Variants in CAMKK1 observed in about 807,000 individuals in gnomAD.
The protein encoded by CAMKK1 is calcium/calmodulin-dependent protein kinase kinase 1.
A neutral mutation model predicts 63.5 loss-of-function variants in CAMKK1; 20 were observed. The observed-to-expected ratio is 0.32, with a 90% CI of 0.22 to 0.46. CAMKK1 has a LOEUF of 0.46. CAMKK1 is among the 20% of genes least tolerant of loss of function. The pLI, the probability that CAMKK1 is intolerant of heterozygous loss-of-function variation, is 1.00. For synonymous variants in CAMKK1, 253 were observed against 269.0 expected, an observed-to-expected ratio of 0.94 and a Z score of 0.58; for missense variants, 588 against 658.1, an observed-to-expected ratio of 0.89 and a Z score of 1.17.
chr17:3,861,552 T>C lies in CAMKK1; in HGVS notation c.*659A>G, dbSNP rs1284174021. The C allele has an allele frequency of 1.3e-5, 2 of 152,894 alleles. No individual in the cohort carries two copies. Among genetic ancestry groups the C allele is most frequent in the African/African-American group, 4.8e-5 (2 of 41,466 alleles). 9.5% of individuals were successfully genotyped at this position (152,894 alleles called of 1,614,324 possible). On this transcript the variant is annotated 3_prime_UTR_variant, in exon 16 of 16. Coordinates refer to ENST00000348335, the MANE Select transcript of CAMKK1 (RefSeq NM_032294.3). Reference sequence around the variant, plus strand: ...GCTGCCAAATAATCTTGGGCTGTGCTGGGAACCACGGAAGATGTAGGAAAG... The same window carrying C: ...GCTGCCAAATAATCTTGGGCTGTGCCGGGAACCACGGAAGATGTAGGAAAG...
intron 10 of CAMKK1, among the ~76,000 whole-genome samples, chr17:3,874,027 C>T (rs929033606): frequency 3.3e-5 from 5 of 152,198 alleles, no homozygotes; most frequent in South Asian, 2.1e-4. Flanking sequence ...CCTTCTGCTC[C>T]GGAACGCCAC....
chr17:3,880,037 T>C (rs2055338002), intron 9 of CAMKK1: 2 of 371,884 alleles, frequency 5.4e-6, no homozygotes, highest in Non-Finnish European at 5.0e-6. Context: ...CCCACATCTC[T>C]TGAAGCCCCG....
chr17:3,888,913 C>CGTGTGTGTGTGTGTGT, intron 1 of CAMKK1, among the ~76,000 whole-genome samples: 1 of 150,494 alleles, frequency 6.6e-6, no homozygotes, highest in Non-Finnish European at 1.5e-5. Context: ...AGGGTGGTGG[C>CGTGTGTGTGTGTGTGT]GTGTGTGTGT....
At position 3,862,153 on chromosome 17, in the gene CAMKK1, G is replaced by A; in HGVS notation, c.*58C>T. 2.8e-6 allele frequency: 4 copies of A among 1,428,408 alleles called. No homozygotes were observed. Among genetic ancestry groups the A allele is most frequent in the African/African-American group, 1.4e-5 (1 of 70,916 alleles). 88.5% of individuals were successfully genotyped at this position (1,428,408 alleles called of 1,614,324 possible). On this transcript the variant is annotated 3_prime_UTR_variant, in exon 16 of 16. Coordinates refer to ENST00000348335, the MANE Select transcript of CAMKK1 (RefSeq NM_032294.3). This position sits in a 1 kb window ranked among gnomAD's most constrained non-coding sequence, Gnocchi z 4.1. ...GGGGGCGGCTGTTGCATGAGGGGTG[G>A]GCCTCTGGAGGCGCGGGATGAGTGT...
chr17:3,889,453 C>A lies in CAMKK1; in HGVS notation c.-44+3486G>T, dbSNP rs116934511. Among the ~76,000 whole-genome samples, 1,217 of 152,222 alleles carry A rather than the reference C, an allele frequency of 8.0e-3. 5 individuals are homozygous for A. Among genetic ancestry groups the A allele is most frequent in the Non-Finnish European group, 0.012 (816 of 68,006 alleles). ...AAAAACTACTGCAATCCTGTCCCCCCAGACTGGGGATCTGCTGCCTCGGAC... is the reference window on the plus strand; with the variant it reads ...AAAAACTACTGCAATCCTGTCCCCCAAGACTGGGGATCTGCTGCCTCGGAC... On this transcript the variant is annotated intron_variant, in intron 1 of 15. Coordinates refer to ENST00000348335, the MANE Select transcript of CAMKK1 (RefSeq NM_032294.3). This position sits in a 1 kb window ranked among gnomAD's most constrained non-coding sequence, Gnocchi z 5.2.
chr17:3,882,536 A>T lies in CAMKK1; in HGVS notation c.677T>A (p.Leu226His). The stretch of plus-strand genomic sequence containing the variant: ...TGAGCCAGGTCACTCACCCAAATAG[A>T]GGTTGTCCTCAGCTGGGTCATCCAG... ...EVLDDPAEDN[L>H]YLVFDLLRKG... The change falls in exon 7 of 16, where the codon CTC becomes CAC. Residue 226 changes from leucine (L) to histidine (H), a missense_variant. This residue lies in a region of CAMKK1 where 357 missense variants were observed against 407.4 expected (regional missense o/e 0.88). Coordinates refer to ENST00000348335, the MANE Select transcript of CAMKK1 (RefSeq NM_032294.3). This position sits in a 1 kb window ranked among gnomAD's most constrained non-coding sequence, Gnocchi z 4.3. 6.3e-7 allele frequency: 1 copy of T among 1,595,402 alleles called. No homozygotes were observed. Among genetic ancestry groups the T allele is most frequent in the Non-Finnish European group, 8.5e-7 (1 of 1,170,478 alleles).
chr17:3,876,130 A>G, intron 10 of CAMKK1, 93 bp downstream of exon 10: 1 of 1,200,004 alleles, frequency 8.3e-7, no homozygotes, highest in South Asian at 1.5e-5. Flanking sequence ...AGACACAAAG[A>G]CCCTGGCACC....
intron 1 of CAMKK1, among the ~76,000 whole-genome samples, chr17:3,891,007 C>T (rs1221390856): frequency 2.6e-5 from 4 of 152,060 alleles, no homozygotes; most frequent in Non-Finnish European, 5.9e-5. Context: ...GGAGGGATTT[C>T]CAACATGCAA....
At chr17:3,881,892 T>TACAGAGGGGGAAACTGAGGC (rs2055424356) in intron 7 of CAMKK1, 3 of 552,642 alleles carry the variant, frequency 5.4e-6, no homozygotes, top group Non-Finnish European at 9.6e-6. Flanking sequence ...GGGGCCCTTT[T>TACAGAGGGGGAAACTGAGGC]ACAGAGGGGG....
Position 3,876,414 on chromosome 17 carries a change from G to C in CAMKK1, c.805C>G (p.Gln269Glu), listed in dbSNP as rs2055155226. 6.2e-7 allele frequency: 1 copy of C among 1,613,802 alleles called. No homozygotes were observed. The highest frequency in any genetic ancestry group is 8.5e-7 in the Non-Finnish European group (1 of 1,179,718). Residue 269 changes from glutamine to glutamate, a missense_variant, in exon 10 of 16, where the codon CAG becomes GAG. Around this residue, in one of 3 missense-constraint regions of CAMKK1, gnomAD observed 357 missense variants for 407.4 expected, o/e 0.88. Coordinates refer to ENST00000348335, the MANE Select transcript of CAMKK1 (RefSeq NM_032294.3). ...VILGLEYLHC[Q>E]KIVHRDIKPS... is the part of the protein sequence containing the mutation. ...TTGATGTCCCTGTGGACGATCTTCT[G>C]GCAGTGCACTGCAGAGAAGGGGAGC...
In CAMKK1 at chr17:3,887,398, G is replaced by T. The variant is rs2055699159; in HGVS notation, c.-43-1668C>A. Among the ~76,000 whole-genome samples the T allele has an allele frequency of 6.6e-6, 1 of 152,346 alleles. No individual in the cohort carries two copies. The highest frequency in any genetic ancestry group is 2.4e-5 in the African/African-American group (1 of 41,586). ...GAGAGGAGGCTCCACACTAGGAACA[G>T]GAAAAGTCATGGAAGCTGGACCCAG... On this transcript the variant is annotated intron_variant, in intron 1 of 15. Transcript: ENST00000348335. The surrounding 1 kb of genome is among the most constrained non-coding windows in gnomAD (Gnocchi z 6.1).
chr17:3,865,573 C>A, intron 15 of CAMKK1: 1 of 1,093,590 alleles, frequency 9.1e-7, no homozygotes, highest in Non-Finnish European at 1.1e-6. Context: ...GATTTGAAGC[C>A]CCAGAGGGGC....
chr17:3,883,529 T>C lies in CAMKK1; in HGVS notation c.463-49A>G. On this transcript the variant is annotated intron_variant, in intron 4 of 15. Coordinates refer to ENST00000348335, the MANE Select transcript of CAMKK1 (RefSeq NM_032294.3). This position sits in a 1 kb window ranked among gnomAD's most constrained non-coding sequence, Gnocchi z 4.7. Reference sequence around the variant, plus strand: ...TCACTACTGTGCAGCCACCAGGGGCTAGAACAGGCTGGTACATGTGGACTG... The same window carrying C: ...TCACTACTGTGCAGCCACCAGGGGCCAGAACAGGCTGGTACATGTGGACTG... 6.9e-7 allele frequency: 1 copy of C among 1,450,666 alleles called. No individual in the cohort carries two copies. Among genetic ancestry groups the C allele is most frequent in the South Asian group, 1.1e-5 (1 of 87,700 alleles). 89.9% of individuals were successfully genotyped at this position (1,450,666 alleles called of 1,614,324 possible). A position where few individuals can be genotyped will look rare whatever the true frequency, so the allele number is the denominator to read the frequency against.
At chr17:3,877,498 G>A (rs991808400) in intron 9 of CAMKK1, among the ~76,000 whole-genome samples, 3 of 152,138 alleles carry the variant, frequency 2.0e-5, no homozygotes, top group African/African-American at 4.8e-5. Context: ...CCCATCCCGC[G>A]ACCATCGACC....
At position 3,882,357 on chromosome 17, in the gene CAMKK1, C is replaced by T; in HGVS notation, c.685+171G>A. Reference sequence around the variant, plus strand: ...TTGAATCTAACTGGATATTCTGGGCCTGGTTCTGCAGGGCTGGGCAAGGGA... The same window carrying T: ...TTGAATCTAACTGGATATTCTGGGCTTGGTTCTGCAGGGCTGGGCAAGGGA... On this transcript the variant is annotated intron_variant, in intron 7 of 15. Transcript: ENST00000348335. This position sits in a 1 kb window ranked among gnomAD's most constrained non-coding sequence, Gnocchi z 4.3. 6.2e-7 allele frequency: 1 copy of T among 1,613,782 alleles called. No individual in the cohort carries two copies. The highest frequency in any genetic ancestry group is 8.5e-7 in the Non-Finnish European group (1 of 1,179,790).
intron 12 of CAMKK1, among the ~76,000 whole-genome samples, chr17:3,870,563 C>T (rs1290287875): frequency 6.6e-6 from 1 of 152,062 alleles, no homozygotes; most frequent in Non-Finnish European, 1.5e-5. Flanking sequence ...GACGGGGTTT[C>T]ACCGTGTTAG....
intron 15 of CAMKK1, among the ~76,000 whole-genome samples, chr17:3,864,554 ATAAT>A (rs2054442640): frequency 6.6e-6 from 1 of 152,196 alleles, no homozygotes; most frequent in Admixed American, 6.5e-5. Flanking sequence ...CCGTGCTGGC[ATAAT>A]TATTAATGGC....
At chr17:3,868,616 T>C (rs2054680395) in intron 14 of CAMKK1, among the ~76,000 whole-genome samples, 1 of 151,982 alleles carries the variant, frequency 6.6e-6, no homozygotes, top group Non-Finnish European at 1.5e-5. Context: ...CTTCTTCCAG[T>C]CACGGTGACT....
chr17:3,892,284 C>G lies in CAMKK1; in HGVS notation c.-44+655G>C, dbSNP rs1433724412. Among the ~76,000 whole-genome samples, 1 of 152,074 alleles carries G rather than the reference C, an allele frequency of 6.6e-6. No individual in the cohort carries two copies. The highest frequency in any genetic ancestry group is 1.5e-5 in the Non-Finnish European group (1 of 67,990). On this transcript the variant is annotated intron_variant, in intron 1 of 15. Coordinates refer to ENST00000348335, the MANE Select transcript of CAMKK1 (RefSeq NM_032294.3). The surrounding 1 kb of genome is among the most constrained non-coding windows in gnomAD (Gnocchi z 7.5). Reference sequence around the variant, plus strand: ...ACTCCATCCTGTCCTGCACCCCCCACGCAGACACAGGCACACTCCCGCGTC... The same window carrying G: ...ACTCCATCCTGTCCTGCACCCCCCAGGCAGACACAGGCACACTCCCGCGTC...
Sources: gnomAD v4.1 joint callset for allele counts (sites outside exome capture counted in the v4.1 genomes callset) on GRCh38, gnomAD v4.1.1 for gene constraint, gnomAD v4.1.1 regional missense constraint, Gnocchi (gnomAD v3.1) non-coding constraint, MANE v1.5 for transcripts, NCBI Gene and HGNC (gene_info 2026-07-23, HGNC 2026-07-21) for gene names.